CCDC158: variants seen among roughly 807,000 people sequenced by gnomAD.
CCDC158 encodes coiled-coil domain-containing protein 158.
Under a neutral mutation model 138.6 loss-of-function variants are expected in CCDC158, and 116 were observed. The ratio of observed to expected loss-of-function variants is 0.84; its 90% CI spans 0.72 to 0.98. The LOEUF (loss-of-function observed/expected upper bound fraction) is 0.98. Ranked by LOEUF, CCDC158 falls within the 50% of genes least tolerant of loss-of-function variation. The probability of loss-of-function intolerance (pLI) is 0.00; values close to 1 mark genes in which losing one functional copy is unlikely to be tolerated. For missense variants in CCDC158, 1,265 were observed against 1,306.1 expected, an observed-to-expected ratio of 0.97 and a Z score of 0.48; for synonymous variants, 436 against 442.4, an observed-to-expected ratio of 0.99 and a Z score of 0.18.
intron 3 of CCDC158, among the ~76,000 whole-genome samples, chr4:76,396,737 C>T (rs1379325811): frequency 6.6e-6 from 1 of 152,000 alleles, no homozygotes; most frequent in Admixed American, 6.6e-5. Context: ...AAACCATGGT[C>T]TGGTCTCGTA....
At chr4:76,379,743 T>TACACACACACAC (rs34043671) in intron 8 of CCDC158, among the ~76,000 whole-genome samples, 3 of 147,080 alleles carry the variant, frequency 2.0e-5, no homozygotes, top group African/African-American at 7.6e-5. Flanking sequence ...TCATATATAT[T>TACACACACACAC]ACACACACAC....
intron 11 of CCDC158, among the ~76,000 whole-genome samples, chr4:76,368,935 G>GC (rs2110243632): frequency 6.6e-6 from 1 of 152,296 alleles, no homozygotes; most frequent in Non-Finnish European, 1.5e-5. Flanking sequence ...CTATATATAG[G>GC]CCGGGCGCAG....
At chr4:76,337,298 T>A (rs752582248) in intron 18 of CCDC158, among the ~76,000 whole-genome samples, 14 of 152,180 alleles carry the variant, frequency 9.2e-5, no homozygotes, top group Non-Finnish European at 1.6e-4. Context: ...AAATTTTATT[T>A]AGTCAAAATT....
chr4:76,333,914 T>C, intron 19 of CCDC158, 96 bp downstream of exon 19: 1 of 888,090 alleles, frequency 1.1e-6, no homozygotes, highest in Non-Finnish European at 1.6e-6. Flanking sequence ...TTTAAAGTCA[T>C]TTAAACCTCA....
At position 76,403,430 on chromosome 4, in the gene CCDC158, A is replaced by T. The variant is rs189680797; in HGVS notation, c.-73-150T>A. ...TTTATACAGAAATACATTATATTAC[A>T]TAAAATTAATAAGTGAATACAATCT... is the stretch of plus-strand genomic sequence containing the variant. On this transcript the variant is annotated intron_variant, in intron 2 of 24. Coordinates refer to ENST00000682701, the MANE Select transcript of CCDC158 (RefSeq NM_001394954.1). 262 of 380,582 alleles carry T rather than the reference A, an allele frequency of 6.9e-4. 2 individuals are homozygous for T. Among genetic ancestry groups the T allele is most frequent in the African/African-American group, 5.2e-3 (245 of 47,132 alleles). The allele number at this position is 380,582 out of a possible 1,614,324, so 23.6% of individuals were successfully genotyped here. A position where few individuals can be genotyped will look rare whatever the true frequency, so the allele number is the denominator to read the frequency against.
In CCDC158 at chr4:76,379,271, C is replaced by A; in HGVS notation, c.1029+19G>T. 6.8e-7 allele frequency: 1 copy of A among 1,470,738 alleles called. No individual in the cohort carries two copies. The highest frequency in any genetic ancestry group is 1.3e-5 in the South Asian group (1 of 79,718). 91.1% of individuals were successfully genotyped at this position (1,470,738 alleles called of 1,614,324 possible). A position where few individuals can be genotyped will look rare whatever the true frequency, so the allele number is the denominator to read the frequency against. On this transcript the variant is annotated intron_variant, in intron 9 of 24. Coordinates refer to ENST00000682701, the MANE Select transcript of CCDC158 (RefSeq NM_001394954.1). The stretch of plus-strand genomic sequence containing the variant: ...GATATTAAAGTCTCTAGAAACAGAC[C>A]AGCAAAACCTAAACTCACCTTGTCT...
chr4:76,410,933 G>A (rs759400785), intron 2 of CCDC158, among the ~76,000 whole-genome samples: 6 of 152,120 alleles, frequency 3.9e-5, no homozygotes, highest in Non-Finnish European at 8.8e-5. Context: ...GACTATACGA[G>A]GGAGATAAAA....
chr4:76,335,925 T>A (rs1721442048), intron 18 of CCDC158, among the ~76,000 whole-genome samples: 1 of 149,548 alleles, frequency 6.7e-6, no homozygotes, highest in South Asian at 2.3e-4. Flanking sequence ...CTCACACCTG[T>A]AATCCCAGCA....
chr4:76,390,981 A>T (rs1015748468), intron 4 of CCDC158, among the ~76,000 whole-genome samples: 4 of 152,072 alleles, frequency 2.6e-5, no homozygotes, highest in African/African-American at 9.7e-5. Flanking sequence ...CAGATATATA[A>T]AGCAAATATT....
At chr4:76,348,569 C>T (rs559922682) in intron 18 of CCDC158, among the ~76,000 whole-genome samples, 3 of 151,774 alleles carry the variant, frequency 2.0e-5, no homozygotes, top group Admixed American at 6.6e-5. Context: ...AACACAAACA[C>T]GTGGACCATA....
chr4:76,330,530 T>G (rs1206936766), intron 21 of CCDC158, among the ~76,000 whole-genome samples: 2 of 152,190 alleles, frequency 1.3e-5, no homozygotes, highest in African/African-American at 4.8e-5. Context: ...GATTTACACT[T>G]GGCTAGTCTG....
At chr4:76,418,934 A>G (rs969323752) in intron 1 of CCDC158, among the ~76,000 whole-genome samples, 1 of 152,106 alleles carries the variant, frequency 6.6e-6, no homozygotes, top group South Asian at 2.1e-4. Flanking sequence ...TTAATTCCAG[A>G]TGACTAGCGG....
At chr4:76,341,412 T>C (rs972536993) in intron 18 of CCDC158, among the ~76,000 whole-genome samples, 5 of 152,196 alleles carry the variant, frequency 3.3e-5, no homozygotes, top group Non-Finnish European at 7.3e-5. Flanking sequence ...GTAATAAAAA[T>C]GGAATATAAG....
Position 76,384,195 on chromosome 4 carries a change from G to T in CCDC158, c.619C>A (p.His207Asn). The change falls in exon 6 of 25, where the codon CAT becomes AAT. Residue 207 changes from histidine to asparagine, a missense_variant. Coordinates refer to ENST00000682701, the MANE Select transcript of CCDC158 (RefSeq NM_001394954.1). Reference sequence around the variant, plus strand: ...AAGTGCAGAGTAGACATGCTGTCATGTTCACATATTTTTTTGCCTGAGGCT... The same window carrying T: ...AAGTGCAGAGTAGACATGCTGTCATTTTCACATATTTTTTTGCCTGAGGCT... ...EEASGKKICE[H>N]DSMSTLHFRS... 6.2e-7 allele frequency: 1 copy of T among 1,614,152 alleles called. No individual in the cohort carries two copies.
At chr4:76,363,768 G>A (rs1724385004) in intron 12 of CCDC158, among the ~76,000 whole-genome samples, 1 of 152,126 alleles carries the variant, frequency 6.6e-6, no homozygotes, top group Non-Finnish European at 1.5e-5. Context: ...AGCATGCATT[G>A]TGAGTGAGTC....
At chr4:76,375,339 A>C in intron 9 of CCDC158, 1 of 422,644 alleles carries the variant, frequency 2.4e-6, no homozygotes, top group Non-Finnish European at 4.2e-6. Context: ...ATATCAAATC[A>C]CACGAGGTTT....
chr4:76,369,716 G>T, intron 10 of CCDC158, 93 bp from the exon 11 acceptor site: 1 of 1,059,214 alleles, frequency 9.4e-7, no homozygotes. Flanking sequence ...GTTTTTATGT[G>T]ATTTCAGACA....
intron 18 of CCDC158, among the ~76,000 whole-genome samples, chr4:76,347,750 A>G (rs150525737): frequency 5.3e-5 from 8 of 152,234 alleles, no homozygotes; most frequent in African/African-American, 1.9e-4. Flanking sequence ...AGAACCCAAA[A>G]TTATCTCTGT....
intron 1 of CCDC158, among the ~76,000 whole-genome samples, chr4:76,414,659 C>T (rs1449651120): frequency 2.6e-5 from 4 of 152,306 alleles, no homozygotes; most frequent in Admixed American, 6.5e-5. Flanking sequence ...CGGTCTTTCC[C>T]GTGCTATTCT....
Sources: gnomAD v4.1 joint callset for allele counts (sites outside exome capture counted in the v4.1 genomes callset) on GRCh38, gnomAD v4.1.1 for gene constraint, MANE v1.5 for transcripts, NCBI Gene and HGNC (gene_info 2026-07-23, HGNC 2026-07-21) for gene names.